The following UBAC2 variants were observed in gnomAD, a reference collection of about 807,000 sequenced individuals.
UBAC2 encodes UBA domain containing 2.
Under a neutral mutation model 44.0 loss-of-function variants are expected in UBAC2, and 26 were observed. The ratio of observed to expected loss-of-function variants is 0.59; its 90% CI spans 0.43 to 0.82. The LOEUF is 0.82. UBAC2 is among the 40% of genes least tolerant of loss of function. The pLI is 0.00. For missense variants in UBAC2, 329 were observed against 419.4 expected (o/e 0.78, Z 1.88); for synonymous variants, 155 against 154.3 (o/e 1.00, Z -0.04).
intron 7 of UBAC2, chr13:99,351,898 C>A: frequency 2.6e-6 from 1 of 390,970 alleles, no homozygotes. Context: ...AAAGAAGCTA[C>A]TGACACCCAG....
At chr13:99,359,012 C>T (rs941808594) in intron 7 of UBAC2, among the ~76,000 whole-genome samples, 2 of 151,942 alleles carry the variant, frequency 1.3e-5, no homozygotes, top group African/African-American at 2.4e-5. Flanking sequence ...ACCCAGAACA[C>T]GGAAGAAGGA....
chr13:99,383,950 T>C (rs2045585276), intron 8 of UBAC2, among the ~76,000 whole-genome samples: 1 of 152,246 alleles, frequency 6.6e-6, no homozygotes, highest in Admixed American at 6.5e-5. Context: ...CTTAGGTTAA[T>C]TTTGCTCAGA....
Position 99,296,060 on chromosome 13 carries a change from G to T in UBAC2, c.390-18037G>T, listed in dbSNP as rs200374704. ...ATGCAGAGGCATTACTATCCTGGCC[G>T]TGCTGTGATGTGCATAGAGGTCACA... On this transcript the variant is annotated intron_variant, in intron 4 of 8. Coordinates refer to ENST00000403766, the MANE Select transcript of UBAC2 (RefSeq NM_001144072.2). 5.0e-6 allele frequency: 8 copies of T among 1,613,888 alleles called. No homozygotes were observed. In the African/African-American group the frequency reaches 9.3e-5, roughly 19 times the overall value.
intron 8 of UBAC2, among the ~76,000 whole-genome samples, chr13:99,373,634 G>A (rs530634283): frequency 9.2e-5 from 14 of 152,212 alleles, no homozygotes; most frequent in South Asian, 2.1e-4. Context: ...AAGAAAGGCC[G>A]TCAGGGCAGT....
intron 2 of UBAC2, 50 bp from the exon 3 acceptor site, chr13:99,243,782 C>T (rs922625250): frequency 6.5e-7 from 1 of 1,529,308 alleles, no homozygotes; most frequent in South Asian, 1.2e-5. Flanking sequence ...AGGAAGAGAC[C>T]CGAACAAATT....
chr13:99,209,316 A>G (rs1361047907), intron 1 of UBAC2, among the ~76,000 whole-genome samples: 1 of 152,014 alleles, frequency 6.6e-6, no homozygotes, highest in Non-Finnish European at 1.5e-5. Flanking sequence ...CTCACATTCC[A>G]CTGTCTGTAG....
chr13:99,202,466 A>C (rs758079282), intron 1 of UBAC2, among the ~76,000 whole-genome samples: 1 of 152,212 alleles, frequency 6.6e-6, no homozygotes, highest in Non-Finnish European at 1.5e-5. Flanking sequence ...TTCAATTTCA[A>C]TTGTTCTTTA....
chr13:99,255,454 A>G, intron 4 of UBAC2: 1 of 1,614,126 alleles, frequency 6.2e-7, no homozygotes, highest in Non-Finnish European at 8.5e-7. Context: ...CACACACGCC[A>G]GCACGGCTTT....
chr13:99,258,098 A>C (rs1421650514), intron 4 of UBAC2: 1 of 152,234 alleles, frequency 6.6e-6, no homozygotes, highest in Non-Finnish European at 1.5e-5. Flanking sequence ...TTTGAAATGC[A>C]GTACATAAAG....
At chr13:99,244,462 G>A (rs1467781423) in intron 3 of UBAC2, 53 bp from the exon 4 acceptor site, 1 of 1,283,580 alleles carries the variant, frequency 7.8e-7, no homozygotes, top group East Asian at 2.3e-5. Context: ...ATAAATGTTA[G>A]TTTATTTTTA....
In UBAC2 at chr13:99,318,032, CT is replaced by C; in HGVS notation, c.525del (p.Gly176ValfsTer7). 1 of 1,609,140 alleles carries C rather than the reference CT, an allele frequency of 6.2e-7. No homozygotes were observed. Among genetic ancestry groups the C allele is most frequent in the Non-Finnish European group, 8.5e-7 (1 of 1,178,400 alleles). On this transcript the variant is annotated frameshift_variant, in exon 6 of 9. Transcript: ENST00000403766. LOFTEE classifies it high-confidence loss of function. The stretch of plus-strand genomic sequence containing the variant: ...TTTTTTCTTTTATAGCTTTTCACCT[CT>C]GGTTCCTACATCTGGATTGTAGCCA... ...IYILGLQLFT[S>X]GSYIWIVAIS... is the part of the protein sequence containing the mutation.
chr13:99,315,581 T>A (rs1334319440), intron 5 of UBAC2, among the ~76,000 whole-genome samples: 1 of 152,196 alleles, frequency 6.6e-6, no homozygotes, highest in Non-Finnish European at 1.5e-5. Flanking sequence ...AATGACTTGG[T>A]CTGGTAATGA....
At chr13:99,359,820 C>T (rs1053995893) in intron 7 of UBAC2, among the ~76,000 whole-genome samples, 8 of 152,222 alleles carry the variant, frequency 5.3e-5, no homozygotes, top group Admixed American at 1.3e-4. Context: ...AGAGTCACAT[C>T]GCCCTTCGCT....
At position 99,243,789 on chromosome 13, in the gene UBAC2, A is replaced by T. The variant is rs755715199; in HGVS notation, c.160-43A>T. 2.0e-6 allele frequency: 3 copies of T among 1,537,390 alleles called. No individual in the cohort carries two copies. The South Asian group carries it at 3.7e-5, about 19-fold the overall frequency. On this transcript the variant is annotated intron_variant, in intron 2 of 8. Coordinates refer to ENST00000403766, the MANE Select transcript of UBAC2 (RefSeq NM_001144072.2). ...ATTTGCTAAGGAAGAGACCCGAACA[A>T]ATTTTACTCTTGTTTATTGTTCTTT...
Position 99,318,065 on chromosome 13 carries a change from G to T in UBAC2, c.557G>T (p.Gly186Val). 6.2e-7 allele frequency: 1 copy of T among 1,611,664 alleles called. No individual in the cohort carries two copies. The highest frequency in any genetic ancestry group is 8.5e-7 in the Non-Finnish European group (1 of 1,178,968). Residue 186 changes from glycine (G) to valine (V), a missense_variant, in exon 6 of 9, where the codon GGA becomes GTA. Transcript: ENST00000403766. ...TACATCTGGATTGTAGCCATAAGTG[G>T]ACTTGTAAGTGTGACTACCCTTTTA... The part of the protein sequence containing the change: ...GSYIWIVAIS[G>V]LMSGLCYDSK...
chr13:99,231,786 T>C (rs191792106), intron 1 of UBAC2, among the ~76,000 whole-genome samples: 60 of 152,306 alleles, frequency 3.9e-4, no homozygotes, highest in African/African-American at 1.2e-3. Flanking sequence ...GTCACATGAA[T>C]TTATCATTGG....
intron 3 of UBAC2, 108 bp downstream of exon 3, chr13:99,244,059 T>A: frequency 1.1e-6 from 1 of 914,140 alleles, no homozygotes; most frequent in Non-Finnish European, 1.6e-6. Flanking sequence ...GTTATCTTTT[T>A]AATTACACTA....
intron 7 of UBAC2, among the ~76,000 whole-genome samples, chr13:99,361,858 G>A (rs954011493): frequency 3.3e-5 from 5 of 152,060 alleles, no homozygotes; most frequent in East Asian, 1.9e-4. Flanking sequence ...TAGACCAGAC[G>A]CAATGGTGCA....
intron 1 of UBAC2, among the ~76,000 whole-genome samples, chr13:99,235,502 A>C (rs901116805): frequency 2.0e-5 from 3 of 152,236 alleles, no homozygotes; most frequent in Admixed American, 2.0e-4. Flanking sequence ...AACAAGGTGA[A>C]GTATCATACT....
Sources: gnomAD v4.1 joint callset for allele counts (sites outside exome capture counted in the v4.1 genomes callset) on GRCh38, gnomAD v4.1.1 for gene constraint, MANE v1.5 for transcripts, NCBI Gene and HGNC (gene_info 2026-07-23, HGNC 2026-07-21) for gene names.